Variants in TOR3A observed in about 807,000 individuals in gnomAD.
TOR3A encodes torsin family 3 member A.
TOR3A carries 44 observed loss-of-function variants against 42.1 expected under a neutral mutation model. The observed-to-expected ratio is 1.04, with a 90% CI of 0.82 to 1.34. The LOEUF (loss-of-function observed/expected upper bound fraction) is 1.34, where lower values mean the gene tolerates loss of function less well. Ranked by LOEUF, TOR3A falls within the 40% of genes most tolerant of loss-of-function variation. The pLI, the probability that TOR3A is intolerant of heterozygous loss-of-function variation, is 0.00. For synonymous variants in TOR3A, 227 were observed against 213.2 expected, an observed-to-expected ratio of 1.06 and a Z score of -0.57; for missense variants, 521 against 507.6, an observed-to-expected ratio of 1.03 and a Z score of -0.25.
At chr1:179,094,324 G>C in intron 5 of TOR3A, 107 bp downstream of exon 5, 1 of 1,391,570 alleles carries the variant, frequency 7.2e-7, no homozygotes, top group Middle Eastern at 2.2e-4. Context: ...TGGGAACACA[G>C]AGGGCAGACT....
Position 179,095,170 on chromosome 1 carries a change from C to T in TOR3A, c.1146C>T (p.Ser382=), listed in dbSNP as rs749152390. 6.2e-7 allele frequency: 1 copy of T among 1,613,968 alleles called. No homozygotes were observed. The highest frequency in any genetic ancestry group is 8.5e-7 in the Non-Finnish European group (1 of 1,180,032). The change falls in exon 6 of 6, where the codon TCC becomes TCT. Residue 382 remains serine, a synonymous_variant. Coordinates refer to ENST00000367627, the MANE Select transcript of TOR3A (RefSeq NM_022371.4). ...YVPKEEQLFS[S]QGCKSISQRI... ...CCAAGGAGGAACAACTCTTTTCTTC[C>T]CAGGGCTGCAAGTCTATTTCCCAGA...
In TOR3A at chr1:179,082,343, C is replaced by G. The variant is rs776299972; in HGVS notation, c.215C>G (p.Pro72Arg). The G allele has an allele frequency of 6.2e-7, 1 of 1,605,980 alleles. No homozygotes were observed. The highest frequency in any genetic ancestry group is 8.5e-7 in the Non-Finnish European group (1 of 1,177,606). ...ACGCTCTTCAGCTGCCAGGTGTGGCCCGACGACTGTGACGAGGACGAGGAG... is the reference window on the plus strand; with the variant it reads ...ACGCTCTTCAGCTGCCAGGTGTGGCGCGACGACTGTGACGAGGACGAGGAG... ...YWTLFSCQVW[P>R]DDCDEDEEAA... The change falls in exon 1 of 6, where the codon CCC becomes CGC. Residue 72 changes from proline to arginine, a missense_variant. Transcript: ENST00000367627.
At position 179,082,272 on chromosome 1, in the gene TOR3A, G is replaced by A; in HGVS notation, c.144G>A (p.Leu48=). Residue 48 remains leucine, a synonymous_variant, in exon 1 of 6, where the codon CTG becomes CTA. Coordinates refer to ENST00000367627, the MANE Select transcript of TOR3A (RefSeq NM_022371.4). ...SAWAWPGFQR[L]QEQLRAAGAL... ...GGGCCTGGCCGGGCTTCCAGCGCCT[G>A]CAGGAGCAGCTCAGGGCGGCGGGTG... is the stretch of plus-strand genomic sequence containing the variant. 1.3e-6 allele frequency: 2 copies of A among 1,565,394 alleles called. No individual in the cohort carries two copies. Among genetic ancestry groups the A allele is most frequent in the Admixed American group, 1.9e-5 (1 of 53,806 alleles).
chr1:179,087,089 G>A (rs796162164), intron 3 of TOR3A, among the ~76,000 whole-genome samples: 17 of 152,334 alleles, frequency 1.1e-4, no homozygotes, highest in African/African-American at 4.1e-4. Flanking sequence ...GCATAGCCCT[G>A]CACCTCACAC....
chr1:179,093,010 A>G (rs1652634534), intron 4 of TOR3A, among the ~76,000 whole-genome samples: 1 of 152,150 alleles, frequency 6.6e-6, no homozygotes, highest in Non-Finnish European at 1.5e-5. Flanking sequence ...CTCCAAAAAG[A>G]GAGAAAGCAC....
At chr1:179,092,895 T>C (rs919333285) in intron 4 of TOR3A, among the ~76,000 whole-genome samples, 1 of 151,890 alleles carries the variant, frequency 6.6e-6, no homozygotes, top group Non-Finnish European at 1.5e-5. Flanking sequence ...TCTCAGCTAC[T>C]TAGGAGGCTG....
chr1:179,088,702 G>A (rs1652499610), intron 4 of TOR3A, among the ~76,000 whole-genome samples: 1 of 152,180 alleles, frequency 6.6e-6, no homozygotes, highest in South Asian at 2.1e-4. Flanking sequence ...GCTACCATGC[G>A]GGACCCAGTC....
intron 3 of TOR3A, among the ~76,000 whole-genome samples, chr1:179,086,973 G>A (rs1652453980): frequency 6.6e-6 from 1 of 152,332 alleles, no homozygotes; most frequent in South Asian, 2.1e-4. Flanking sequence ...TATGGCTTTG[G>A]AGGGCAGGGG....
intron 4 of TOR3A, among the ~76,000 whole-genome samples, chr1:179,093,892 T>C (rs1652662057): frequency 6.6e-6 from 1 of 152,142 alleles, no homozygotes; most frequent in Non-Finnish European, 1.5e-5. Context: ...CAAGAGAGAA[T>C]GGGTGGCAAA....
intron 4 of TOR3A, 93 bp downstream of exon 4, chr1:179,088,182 T>G: frequency 7.4e-7 from 1 of 1,344,920 alleles, no homozygotes; most frequent in Non-Finnish European, 1.0e-6. Context: ...GTTCAGAACC[T>G]TTCCTCAAGA....
At chr1:179,091,352 C>G (rs1652575950) in intron 4 of TOR3A, among the ~76,000 whole-genome samples, 1 of 152,162 alleles carries the variant, frequency 6.6e-6, no homozygotes, top group Admixed American at 6.5e-5. Flanking sequence ...AAGACAGTGT[C>G]TGTCTAAAGG....
intron 4 of TOR3A, among the ~76,000 whole-genome samples, chr1:179,090,333 C>A (rs922051468): frequency 6.6e-6 from 1 of 152,214 alleles, no homozygotes; most frequent in East Asian, 1.9e-4. Flanking sequence ...CCCAGGCTGT[C>A]CAGGGCAGCA....
chr1:179,094,666 T>G (rs549086914), intron 5 of TOR3A, among the ~76,000 whole-genome samples: 74 of 151,914 alleles, frequency 4.9e-4, no homozygotes, highest in African/African-American at 1.4e-3. Flanking sequence ...ATCACTTGAG[T>G]CCAGGAGATC....
intron 5 of TOR3A, among the ~76,000 whole-genome samples, chr1:179,094,697 A>G (rs1652685618): frequency 6.6e-6 from 1 of 151,936 alleles, no homozygotes; most frequent in Admixed American, 6.6e-5. Context: ...TGGCCAACAT[A>G]GTGAAACCCC....
chr1:179,085,921 C>T, intron 3 of TOR3A, 28 bp downstream of exon 3: 1 of 1,605,444 alleles, frequency 6.2e-7, no homozygotes, highest in Middle Eastern at 1.7e-4. Flanking sequence ...TGGGGTGAGG[C>T]CTCTGTGCTG....
At position 179,082,202 on chromosome 1, in the gene TOR3A, GCGCCTCCAGGC is replaced by G. The variant is rs1388058695; in HGVS notation, c.77_87del (p.Ala26ValfsTer47). On this transcript the variant is annotated frameshift_variant, in exon 1 of 6. Coordinates refer to ENST00000367627, the MANE Select transcript of TOR3A (RefSeq NM_022371.4). LOFTEE classifies it high-confidence loss of function. ...CTCCCGGGCGCGCCTGAGCCCCGCG[GCGCCTCCAGGC>G]CGTGGGAGGGAACCGACGAGCCGGG... 4.0e-6 allele frequency: 6 copies of G among 1,501,490 alleles called. No homozygotes were observed. Among genetic ancestry groups the G allele is most frequent in the Non-Finnish European group, 5.3e-6 (6 of 1,134,482 alleles). The allele number at this position is 1,501,490 out of a possible 1,614,324, so 93.0% of individuals were successfully genotyped here. A position where few individuals can be genotyped will look rare whatever the true frequency, so the allele number is the denominator to read the frequency against.
rs1206149179 is a variant in TOR3A at position 179,095,115 on chromosome 1, A to G, written c.1091A>G (p.Asp364Gly). The change falls in exon 6 of 6, where the codon GAT (aspartate) becomes GGT (glycine). Residue 364 changes from aspartate to glycine, a missense_variant. Transcript: ENST00000367627. ...CTCCTGTATAAAGAAGAGACACTGG[A>G]TGAAATAGCCCAGATGATGGTGTAT... is the stretch of plus-strand genomic sequence containing the variant. ...QELLYKEETLDEIAQMMVYVP... is the reference protein window; with the variant it reads ...QELLYKEETLGEIAQMMVYVP... 1 of 1,614,092 alleles carries G rather than the reference A, an allele frequency of 6.2e-7. No homozygotes were observed.
Position 179,085,616 on chromosome 1 carries a change from T to C in TOR3A, c.374-12T>C. 6.2e-7 allele frequency: 1 copy of C among 1,612,714 alleles called. No homozygotes were observed. Among genetic ancestry groups the C allele is most frequent in the Non-Finnish European group, 8.5e-7 (1 of 1,178,776 alleles). On this transcript the variant is annotated splice_polypyrimidine_tract_variant and intron_variant, in intron 2 of 5. Transcript: ENST00000367627. Reference sequence around the variant, plus strand: ...GTGCCTTTTGCTGTGACTACCTCTTTCCTGTCCTTAGGCTTAGAGTGGGAC... The same window carrying C: ...GTGCCTTTTGCTGTGACTACCTCTTCCCTGTCCTTAGGCTTAGAGTGGGAC...
At position 179,094,115 on chromosome 1, in the gene TOR3A, A is replaced by G. The variant is rs1652669851; in HGVS notation, c.841A>G (p.Asn281Asp). The change falls in exon 5 of 6, where the codon AAT (asparagine) becomes GAT (aspartate). Residue 281 changes from asparagine to aspartate, a missense_variant. By Grantham distance (23) the Asn-to-Asp change is conservative. Coordinates refer to ENST00000367627, the MANE Select transcript of TOR3A (RefSeq NM_022371.4). ...FLSNLRGDII[N>D]EVVLKLLKAG... is the part of the protein sequence containing the mutation. The stretch of plus-strand genomic sequence containing the variant: ...CAGTAATCTCAGGGGCGATATAATC[A>G]ATGAGGTGGTCCTAAAGTTGCTCAA... 1 of 1,613,902 alleles carries G rather than the reference A, an allele frequency of 6.2e-7. No homozygotes were observed.
Sources: allele counts gnomAD v4.1 joint callset (sites outside exome capture counted in the v4.1 genomes callset), GRCh38; gene constraint gnomAD v4.1.1; transcripts MANE v1.5; gene names NCBI Gene and HGNC (gene_info 2026-07-23, HGNC 2026-07-21).